PAK3: variants seen among roughly 807,000 people sequenced by gnomAD.
PAK3 encodes the protein serine/threonine-protein kinase PAK 3.
In PAK3, 4 loss-of-function variants were observed where a neutral mutation model predicts 41.0. The ratio of observed to expected loss-of-function variants is 0.10; its 90% CI spans 0.05 to 0.22. The LOEUF (loss-of-function observed/expected upper bound fraction) is 0.22, where lower values mean the gene tolerates loss of function less well. Ranked by LOEUF, PAK3 falls within the 10% of genes least tolerant of loss-of-function variation. PAK3 has a pLI of 1.00. For missense variants in PAK3, 205 were observed against 409.9 expected (o/e 0.50, Z 4.32); for synonymous variants, 146 against 139.6 (o/e 1.05, Z -0.32).
chrX:111,065,497 G>A (rs1262973057), intron 1 of PAK3, among the ~76,000 whole-genome samples: 1 of 110,998 alleles, frequency 9.0e-6, no homozygotes, highest in Non-Finnish European at 1.9e-5. Context: ...GTTTATCAGG[G>A]ATATTGGCCT....
At chrX:111,161,923 C>T (rs983521561) in intron 8 of PAK3, among the ~76,000 whole-genome samples, 1 of 111,460 alleles carries the variant, frequency 9.0e-6, no homozygotes, top group Non-Finnish European at 1.9e-5. Flanking sequence ...GTTCTGTAGC[C>T]TTATGTGGTT....
intron 1 of PAK3, among the ~76,000 whole-genome samples, chrX:111,006,496 GT>G (rs747221980): frequency 1.2e-4 from 13 of 111,581 alleles, no homozygotes; most frequent in East Asian, 1.1e-3. Flanking sequence ...GGTATACAGG[GT>G]TTTTTTGGTA....
rs1277739082 is a variant in PAK3 at position 111,021,780 on chromosome X, T to C, written c.-28+77152T>C. Among the ~76,000 whole-genome samples, 3 of 109,723 alleles carry C rather than the reference T, an allele frequency of 2.7e-5. No homozygotes were observed. The Admixed American group carries it at 3.0e-4, about 11-fold the overall frequency. On this transcript the variant is annotated intron_variant, in intron 1 of 14. Transcript: ENST00000425146. ...CAACTTAAAGAAATCAGAAACATGA[T>C]ATAGGATATGAACGGAAAATTCTTC... is the stretch of plus-strand genomic sequence containing the variant.
intron 1 of PAK3, among the ~76,000 whole-genome samples, chrX:110,953,786 G>A (rs1035066036): frequency 1.3e-4 from 15 of 111,882 alleles, no homozygotes; most frequent in African/African-American, 4.9e-4. Context: ...TGAATGGAGA[G>A]CACAGTGTTC....
chrX:111,067,149 A>G (rs939723318), intron 1 of PAK3, among the ~76,000 whole-genome samples: 2 of 111,480 alleles, frequency 1.8e-5, no homozygotes, highest in Non-Finnish European at 3.8e-5. Context: ...TTATTCTCTT[A>G]TTTTTAAATT....
At chrX:111,203,645 A>G (rs757333848) in intron 16 of PAK3, among the ~76,000 whole-genome samples, 1 of 111,906 alleles carries the variant, frequency 8.9e-6, no homozygotes, top group South Asian at 3.8e-4. Context: ...TTCTTGTGGG[A>G]ACAGGGAAAT....
At chrX:111,086,987 G>A (rs777152742) in intron 1 of PAK3, among the ~76,000 whole-genome samples, 2 of 110,904 alleles carry the variant, frequency 1.8e-5, no homozygotes, top group African/African-American at 3.3e-5. Flanking sequence ...GTGTGTTAGC[G>A]TACTCTCCTA....
intron 6 of PAK3, among the ~76,000 whole-genome samples, chrX:111,145,952 A>G (rs752411466): frequency 2.9e-4 from 32 of 112,129 alleles, no homozygotes; most frequent in Non-Finnish European, 2.4e-4. Flanking sequence ...TAAGCCAGCC[A>G]TGACTTTAGC....
intron 6 of PAK3, 79 bp downstream of exon 6, chrX:111,142,275 T>C (rs2093883260): frequency 5.0e-6 from 3 of 604,906 alleles, no homozygotes; most frequent in South Asian, 4.4e-5. Context: ...AGAATTGCCA[T>C]GTCCCAAAAT....
In PAK3 at chrX:111,181,173, G is replaced by T. The variant is rs181851020; in HGVS notation, c.830+8092G>T. Among the ~76,000 whole-genome samples, 7 of 111,954 alleles carry T rather than the reference G, an allele frequency of 6.3e-5. No individual in the cohort carries two copies. In the East Asian group the frequency reaches 2.0e-3, roughly 32 times the overall value. ...AAGAAAGCATGTGGCAAAACAAAAGGCTATCCTGAAGAATTAATTAGCCAA... is the reference window on the plus strand; with the variant it reads ...AAGAAAGCATGTGGCAAAACAAAAGTCTATCCTGAAGAATTAATTAGCCAA... On this transcript the variant is annotated intron_variant, in intron 11 of 17. Transcript: ENST00000372007.
intron 10 of PAK3, among the ~76,000 whole-genome samples, chrX:111,164,411 C>T (rs2094228273): frequency 9.1e-6 from 1 of 110,455 alleles, no homozygotes; most frequent in African/African-American, 3.3e-5. Flanking sequence ...CAATAAGTGC[C>T]CCCCCCAACC....
At chrX:110,950,742 A>C (rs1161154994) in intron 1 of PAK3, among the ~76,000 whole-genome samples, 1 of 112,123 alleles carries the variant, frequency 8.9e-6, no homozygotes, top group African/African-American at 3.2e-5. Flanking sequence ...TTACATTATT[A>C]AATATTGGTG....
intron 1 of PAK3, among the ~76,000 whole-genome samples, chrX:111,084,685 G>A (rs1488506163): frequency 2.7e-5 from 3 of 111,998 alleles, no homozygotes; most frequent in Admixed American, 1.9e-4. Flanking sequence ...CAAGTTTGTC[G>A]ATGCTTCACA....
chrX:111,185,357 CTGA>C (rs2149291238), intron 11 of PAK3, among the ~76,000 whole-genome samples: 1 of 111,470 alleles, frequency 9.0e-6, no homozygotes, highest in African/African-American at 3.3e-5. Context: ...CTTGTTGACT[CTGA>C]TGATAGTTTA....
chrX:111,123,378 G>C (rs771261740), intron 5 of PAK3, 100 bp downstream of exon 5: 1 of 700,263 alleles, frequency 1.4e-6, no homozygotes, highest in South Asian at 2.5e-5. Context: ...ACTGTTCAGG[G>C]CCTGCCGGCC....
At chrX:111,124,733 G>C (rs1033228223) in intron 5 of PAK3, among the ~76,000 whole-genome samples, 8 of 111,418 alleles carry the variant, frequency 7.2e-5, no homozygotes, top group African/African-American at 2.6e-4. Context: ...ACAGAAAATT[G>C]TGCCCAAACC....
At chrX:110,968,523 C>A (rs931974099) in intron 1 of PAK3, among the ~76,000 whole-genome samples, 26 of 112,402 alleles carry the variant, frequency 2.3e-4, no homozygotes, top group African/African-American at 8.4e-4. Context: ...TTCAACCAAT[C>A]TGACAAGTGT....
At chrX:111,143,749 T>C (rs2093906303) in intron 6 of PAK3, among the ~76,000 whole-genome samples, 1 of 112,022 alleles carries the variant, frequency 8.9e-6, no homozygotes, top group African/African-American at 3.2e-5. Context: ...AGAAGATCCC[T>C]TAAACTTTAT....
chrX:111,105,255 G>A (rs745636966), intron 4 of PAK3, among the ~76,000 whole-genome samples: 2 of 111,522 alleles, frequency 1.8e-5, no homozygotes, highest in Admixed American at 9.5e-5. Context: ...TCACACCTTT[G>A]TGCTATTAAT....
Sources: gnomAD v4.1 joint callset for allele counts (sites outside exome capture counted in the v4.1 genomes callset) on GRCh38, gnomAD v4.1.1 for gene constraint, MANE v1.5 for transcripts, NCBI Gene and HGNC (gene_info 2026-07-23, HGNC 2026-07-21) for gene names.